Variants in TENM2 observed in about 807,000 individuals in gnomAD.
TENM2 encodes the protein teneurin-2.
TENM2 carries 52 observed loss-of-function variants against 245.2 expected under a neutral mutation model. That is an observed-to-expected ratio of 0.21 (90% CI 0.17 to 0.27). The LOEUF (loss-of-function observed/expected upper bound fraction) is 0.27, where lower values mean the gene tolerates loss of function less well. Ranked by LOEUF, TENM2 falls within the 10% of genes least tolerant of loss-of-function variation. The pLI, the probability that TENM2 is intolerant of heterozygous loss-of-function variation, is 1.00. For missense variants in TENM2, 3,046 were observed against 3,666.8 expected (o/e 0.83, Z 4.37); for synonymous variants, 1,363 against 1,438.9 (o/e 0.95, Z 1.19).
At chr5:167,271,233 A>G in the TENM2 span, among the ~76,000 whole-genome samples, 1 of 152,086 alleles carries the variant, frequency 6.6e-6, no homozygotes, top group East Asian at 1.9e-4. Flanking sequence ...TTTTCCGGTT[A>G]TGGTAACTTA....
At chr5:167,709,679 T>C (rs574530198) in intron 2 of TENM2, among the ~76,000 whole-genome samples, 1 of 152,268 alleles carries the variant, frequency 6.6e-6, no homozygotes, top group Admixed American at 6.5e-5. Context: ...TCCCCTCTCT[T>C]CAGACCCACA....
intron 2 of TENM2, among the ~76,000 whole-genome samples, chr5:167,552,441 C>T (rs776284507): frequency 2.7e-4 from 41 of 152,082 alleles, no homozygotes; most frequent in African/African-American, 8.2e-4. Flanking sequence ...ATTTTTGAAA[C>T]GCTTCTTAGG....
intron 14 of TENM2, among the ~76,000 whole-genome samples, chr5:168,191,942 A>C (rs1374842471): frequency 1.3e-5 from 2 of 152,144 alleles, no homozygotes; most frequent in Non-Finnish European, 2.9e-5. Flanking sequence ...GTGTCTTAAC[A>C]AGGTCACCTT....
At chr5:167,830,831 G>A (rs1385096117) in intron 2 of TENM2, among the ~76,000 whole-genome samples, 2 of 152,178 alleles carry the variant, frequency 1.3e-5, no homozygotes, top group Non-Finnish European at 2.9e-5. Flanking sequence ...TATCCAGAGT[G>A]GGTCTCTGAA....
chr5:168,162,701 C>G, exon 13 of TENM2: 1 of 1,614,002 alleles, frequency 6.2e-7, no homozygotes, highest in East Asian at 2.2e-5. Flanking sequence ...TGGAGAGGGC[C>G]CGGATGCAAC....
intron 2 of TENM2, among the ~76,000 whole-genome samples, chr5:167,515,295 G>A (rs1162026023): frequency 6.6e-6 from 1 of 152,102 alleles, no homozygotes; most frequent in East Asian, 1.9e-4. Context: ...TCTACAGCAT[G>A]TAGACTGCAA....
At chr5:167,893,593 T>G (rs1429588409) in intron 3 of TENM2, among the ~76,000 whole-genome samples, 2 of 152,062 alleles carry the variant, frequency 1.3e-5, no homozygotes, top group Non-Finnish European at 2.9e-5. Flanking sequence ...TTTCTTTTTT[T>G]CCGTTGCCAC....
intron 2 of TENM2, among the ~76,000 whole-genome samples, chr5:167,662,142 C>G (rs920586545): frequency 1.3e-5 from 2 of 152,152 alleles, no homozygotes; most frequent in Non-Finnish European, 2.9e-5. Flanking sequence ...GCTTGGCAGA[C>G]AAAATCAACA....
At chr5:167,628,188 G>T (rs2127785471) in intron 2 of TENM2, among the ~76,000 whole-genome samples, 1 of 152,230 alleles carries the variant, frequency 6.6e-6, no homozygotes, top group South Asian at 2.1e-4. Context: ...CTGTATTCAG[G>T]TCTTCAGCCC....
chr5:168,215,989 G>A (rs745730682), intron 21 of TENM2, among the ~76,000 whole-genome samples: 19 of 152,256 alleles, frequency 1.2e-4, no homozygotes, highest in Admixed American at 3.9e-4. Flanking sequence ...ATTTCCAGGG[G>A]TCCAGGATGG....
the TENM2 span, among the ~76,000 whole-genome samples, chr5:167,275,673 T>A: frequency 7.2e-5 from 11 of 152,118 alleles, no homozygotes; most frequent in African/African-American, 2.7e-4. Flanking sequence ...GCTAGTGTAT[T>A]GAAATGCAAT....
intron 1 of TENM2, among the ~76,000 whole-genome samples, chr5:167,340,954 C>G (rs1015136452): frequency 6.6e-6 from 1 of 152,150 alleles, no homozygotes; most frequent in Non-Finnish European, 1.5e-5. Context: ...GAAGTGGGAG[C>G]TTGCTCGGCT....
intron 1 of TENM2, among the ~76,000 whole-genome samples, chr5:167,368,929 A>C (rs1760230484): frequency 6.6e-6 from 1 of 152,106 alleles, no homozygotes; most frequent in African/African-American, 2.4e-5. Context: ...CTCTGCCCCC[A>C]GCAAGGAGAG....
chr5:167,307,051 CTA>C (rs1755723027), intron 1 of TENM2, among the ~76,000 whole-genome samples: 1 of 152,290 alleles, frequency 6.6e-6, no homozygotes, highest in South Asian at 2.1e-4. Context: ...TGTTGACTGA[CTA>C]TGTGAAAACC....
At chr5:167,082,203 A>G in the TENM2 span, among the ~76,000 whole-genome samples, 3 of 152,208 alleles carry the variant, frequency 2.0e-5, no homozygotes, top group Admixed American at 6.5e-5. Context: ...GAAGAGCGAA[A>G]TGCATATCAG....
chr5:168,125,855 G>A lies in TENM2; in HGVS notation c.2209+805G>A, dbSNP rs142654040. 4.7e-4 allele frequency among the ~76,000 whole-genome samples: 71 copies of A among 152,274 alleles called. 1 individual carries two copies. In the East Asian group the frequency reaches 0.01, roughly 22 times the overall value. Reference sequence around the variant, plus strand: ...TTGCTGGTGGTCCTGGCAAGGCCGTGCAGATGATGGGAGGAGGCAGGGGTC... The same window carrying A: ...TTGCTGGTGGTCCTGGCAAGGCCGTACAGATGATGGGAGGAGGCAGGGGTC... On this transcript the variant is annotated intron_variant, in intron 11 of 28. Transcript: ENST00000518659.
the TENM2 span, among the ~76,000 whole-genome samples, chr5:167,249,482 T>G: frequency 6.6e-6 from 1 of 152,134 alleles, no homozygotes; most frequent in African/African-American, 2.4e-5. Flanking sequence ...TCTCACCTCC[T>G]CCTTACTTCT....
At chr5:167,005,499 A>G in the TENM2 span, among the ~76,000 whole-genome samples, 2 of 151,956 alleles carry the variant, frequency 1.3e-5, no homozygotes, top group Admixed American at 6.6e-5. Context: ...AGAGAAGATA[A>G]TCTCCTGCCA....
chr5:167,446,793 G>GCA (rs34343283), intron 2 of TENM2, among the ~76,000 whole-genome samples: 77,323 of 143,764 alleles, frequency 0.54, 20,522 homozygotes, highest in East Asian at 0.72. Context: ...TTTGAAACAC[G>GCA]CACACACACA....
Sources: gnomAD v4.1 joint callset for allele counts (sites outside exome capture counted in the v4.1 genomes callset) on GRCh38, gnomAD v4.1.1 for gene constraint, MANE v1.5 for transcripts, NCBI Gene and HGNC (gene_info 2026-07-23, HGNC 2026-07-21) for gene names.